ADGRG5: variants seen among roughly 807,000 people sequenced by gnomAD.
ADGRG5 encodes the protein adhesion G protein-coupled receptor G5.
ADGRG5 carries 37 observed loss-of-function variants against 53.2 expected under a neutral mutation model. The observed-to-expected ratio is 0.70, with a 90% CI of 0.53 to 0.91. The LOEUF (loss-of-function observed/expected upper bound fraction) is 0.91. Ranked by LOEUF, ADGRG5 falls within the 40% of genes least tolerant of loss-of-function variation. The pLI is 0.00. For synonymous variants in ADGRG5, 277 were observed against 290.4 expected (o/e 0.95, Z 0.47); for missense variants, 614 against 675.8 (o/e 0.91, Z 1.01).
rs1381123053 is a variant in ADGRG5, at chr16:57,562,038, G to A, written c.-38-18G>A. 3.5e-6 allele frequency: 5 copies of A among 1,409,498 alleles called. No homozygotes were observed. The highest frequency in any genetic ancestry group is 4.8e-6 in the Non-Finnish European group (5 of 1,036,900). The allele number at this position is 1,409,498 out of a possible 1,614,324, so 87.3% of individuals were successfully genotyped here. On this transcript the variant is annotated intron_variant, in intron 1 of 11. Coordinates refer to ENST00000349457, the MANE Select transcript of ADGRG5 (RefSeq NM_001304376.3). ...GTTGCTCTTTTATCATCATGGTGAT[G>A]GCATGCACCTTTTTCAGGGCCGGAG...
At chr16:57,541,282 C>T (rs888690475), upstream of ADGRG5, among the ~76,000 whole-genome samples, 3 of 152,188 alleles carry the variant, frequency 2.0e-5, no homozygotes, top group African/African-American at 7.2e-5. Context: ...CAGTTGGGCT[C>T]ACATTCAGCA....
At chr16:57,554,993 T>G (rs1325583787) in intron 1 of ADGRG5, among the ~76,000 whole-genome samples, 2 of 152,188 alleles carry the variant, frequency 1.3e-5, no homozygotes, top group Admixed American at 1.3e-4. Context: ...CTCTTTATGT[T>G]TTTTAATTCT....
intron 9 of ADGRG5, 143 bp downstream of exon 9, chr16:57,568,267 T>A (rs1241608637): frequency 1.3e-6 from 1 of 759,458 alleles, no homozygotes; most frequent in African/African-American, 1.7e-5. Context: ...TACACCCACC[T>A]CTACTTTCTA....
intron 8 of ADGRG5, 75 bp downstream of exon 8, chr16:57,567,666 C>T: frequency 6.4e-7 from 1 of 1,550,508 alleles, no homozygotes; most frequent in South Asian, 1.1e-5. Flanking sequence ...ATTTAGTCCA[C>T]TAGAACTGGG....
chr16:57,564,090 A>G (rs1596788746), intron 5 of ADGRG5, 111 bp downstream of exon 5: 5 of 1,203,340 alleles, frequency 4.2e-6, no homozygotes, highest in African/African-American at 3.0e-5. Flanking sequence ...AGTGAGACCA[A>G]CCAGCCATCT....
At chr16:57,531,063 G>A in the ADGRG5 span, among the ~76,000 whole-genome samples, 1 of 151,602 alleles carries the variant, frequency 6.6e-6, no homozygotes, top group Non-Finnish European at 1.5e-5. Flanking sequence ...CGGGCCCTGG[G>A]CCCCCTTCTC....
At chr16:57,568,894 A>G (rs1258860392) in intron 9 of ADGRG5, among the ~76,000 whole-genome samples, 2 of 144,266 alleles carry the variant, frequency 1.4e-5, no homozygotes, top group East Asian at 4.3e-4. Flanking sequence ...CTCCACCTCT[A>G]TCACCTCCGT....
chr16:57,531,900 C>T, the ADGRG5 span, among the ~76,000 whole-genome samples: 1 of 152,248 alleles, frequency 6.6e-6, no homozygotes, highest in Non-Finnish European at 1.5e-5. Context: ...TCTACACCAC[C>T]ACGTGGAGCA....
chr16:57,540,243 GACAA>G (rs372707540), upstream of ADGRG5, among the ~76,000 whole-genome samples: 382 of 152,192 alleles, frequency 2.5e-3, 2 homozygotes, highest in African/African-American at 8.4e-3. Flanking sequence ...CTCTGTCTCA[GACAA>G]ACAAACAAAC....
chr16:57,561,683 C>T (rs982445460), intron 1 of ADGRG5, among the ~76,000 whole-genome samples: 5 of 152,214 alleles, frequency 3.3e-5, no homozygotes, highest in East Asian at 1.9e-4. Flanking sequence ...CAAAGCCGCA[C>T]GATGAGTTAA....
At position 57,562,447 on chromosome 16, in the gene ADGRG5, T is replaced by G; in HGVS notation, c.128T>G (p.Val43Gly). The G allele has an allele frequency of 6.2e-7, 1 of 1,600,920 alleles. No homozygotes were observed. The highest frequency in any genetic ancestry group is 8.5e-7 in the Non-Finnish European group (1 of 1,174,074). ...CAGGTGTCCAGGGGCCGGAGCTCAG[T>G]TTTTTCCTCTCGGTGAGTTGGATGT... ...NMQVSRGRSS[V>G]FSSRQLHQLE... Residue 43 changes from valine (V) to glycine (G), a missense_variant, in exon 3 of 12, where the codon GTT (valine) becomes GGT (glycine). Coordinates refer to ENST00000349457, the MANE Select transcript of ADGRG5 (RefSeq NM_001304376.3).
At chr16:57,540,716 A>G (rs1281986734), upstream of ADGRG5, among the ~76,000 whole-genome samples, 25 of 152,172 alleles carry the variant, frequency 1.6e-4, no homozygotes, top group Admixed American at 5.2e-4. Context: ...TGGCAAGCAC[A>G]ATCAGACTGG....
the ADGRG5 span, among the ~76,000 whole-genome samples, chr16:57,530,210 A>G: frequency 6.6e-6 from 1 of 151,894 alleles, no homozygotes; most frequent in Non-Finnish European, 1.5e-5. Flanking sequence ...CACCGCAAAC[A>G]GCTCTCTTGT....
rs540371603 is a variant in ADGRG5 at position 57,559,363 on chromosome 16, T to C, written c.-38-2693T>C. Among the ~76,000 whole-genome samples, 108 of 152,318 alleles carry C rather than the reference T, an allele frequency of 7.1e-4. No individual in the cohort carries two copies. In the Middle Eastern group the frequency reaches 0.014, roughly 19 times the overall value. ...AGGGCCCAGAGTGCAGATGGGCTTC[T>C]CCAGGTAATCCTGCTCCACCCTCAA... On this transcript the variant is annotated intron_variant, in intron 1 of 11. Coordinates refer to ENST00000349457, the MANE Select transcript of ADGRG5 (RefSeq NM_001304376.3).
In ADGRG5 at chr16:57,562,174, G is replaced by A. The variant is rs1367408833; in HGVS notation, c.64+17G>A. ...CAACAACAGGTAAGGGGGCTCTGCT[G>A]AACTGGGGGCAGCCCTAGCCCAGTC... On this transcript the variant is annotated intron_variant, in intron 2 of 11. Transcript: ENST00000349457. The A allele has an allele frequency of 1.9e-6, 3 of 1,590,132 alleles. No individual in the cohort carries two copies. The highest frequency in any genetic ancestry group is 1.7e-6 in the Non-Finnish European group (2 of 1,165,660).
At chr16:57,571,715 G>A (rs1413583930) in intron 10 of ADGRG5, among the ~76,000 whole-genome samples, 1 of 146,618 alleles carries the variant, frequency 6.8e-6, no homozygotes, top group Admixed American at 7.1e-5. Flanking sequence ...GAGTGCAATG[G>A]TGTGATCTCG....
chr16:57,575,568 C>T lies in ADGRG5; in HGVS notation c.*30C>T, dbSNP rs758812718. 6.4e-7 allele frequency: 1 copy of T among 1,568,094 alleles called. No homozygotes were observed. The highest frequency in any genetic ancestry group is 8.8e-7 in the Non-Finnish European group (1 of 1,139,144). On this transcript the variant is annotated 3_prime_UTR_variant, in exon 12 of 12. Transcript: ENST00000349457. ...GGCCTCCTGGCCTGGAATCCTCAGC[C>T]TCTCTGGCCGCCAGTAGCCTGAGGC...
chr16:57,572,961 TC>T (rs200267516), intron 10 of ADGRG5, among the ~76,000 whole-genome samples: 1,575 of 152,282 alleles, frequency 0.01, 17 homozygotes, highest in Non-Finnish European at 0.014. Flanking sequence ...GGCTTCAGGA[TC>T]CAGCTTTGCC....
chr16:57,548,719 CTTTT>C (rs56928422), intron 1 of ADGRG5, among the ~76,000 whole-genome samples: 9 of 108,006 alleles, frequency 8.3e-5, no homozygotes, highest in Non-Finnish European at 1.6e-4. Flanking sequence ...TTGAGATTGG[CTTTT>C]TTTTTTTTTT....
Sources: gnomAD v4.1 joint callset for allele counts (sites outside exome capture counted in the v4.1 genomes callset) on GRCh38, gnomAD v4.1.1 for gene constraint, MANE v1.5 for transcripts, NCBI Gene and HGNC (gene_info 2026-07-23, HGNC 2026-07-21) for gene names.